RAB20: variants seen among roughly 807,000 people sequenced by gnomAD.
The protein encoded by RAB20 is ras-related protein Rab-20.
Under a neutral mutation model 3.7 loss-of-function variants are expected in RAB20, and 2 were observed. That is an observed-to-expected ratio of 0.54 (90% CI 0.22 to 1.69). The LOEUF is 1.69. Ranked by LOEUF, RAB20 falls within the 40% of genes most tolerant of loss-of-function variation. RAB20 has a pLI of 0.19. For synonymous variants in RAB20, 126 were observed against 130.8 expected (o/e 0.96, Z 0.25); for missense variants, 276 against 311.9 (o/e 0.88, Z 0.87).
intron 1 of RAB20, among the ~76,000 whole-genome samples, chr13:110,527,685 A>AGGG (rs1311280126): frequency 6.6e-6 from 1 of 152,148 alleles, no homozygotes; most frequent in East Asian, 1.9e-4. Flanking sequence ...ATCCGTTTCC[A>AGGG]GTCAAGCTGG....
At chr13:110,537,417 GAT>G (rs1170502161) in intron 1 of RAB20, among the ~76,000 whole-genome samples, 4 of 151,944 alleles carry the variant, frequency 2.6e-5, no homozygotes, top group Non-Finnish European at 5.9e-5. Flanking sequence ...TCCTTCTTCA[GAT>G]ATGTGAGAAG....
At chr13:110,546,704 T>TG (rs1337850507) in intron 1 of RAB20, among the ~76,000 whole-genome samples, 1 of 145,340 alleles carries the variant, frequency 6.9e-6, no homozygotes, top group African/African-American at 2.5e-5. Flanking sequence ...ACTTCTGTTT[T>TG]TTTTTGTTTT....
chr13:110,532,952 G>T (rs893282628), intron 1 of RAB20, among the ~76,000 whole-genome samples: 1 of 152,184 alleles, frequency 6.6e-6, no homozygotes, highest in African/African-American at 2.4e-5. Flanking sequence ...AAGTGCTGGG[G>T]TCACAGGCAT....
At position 110,555,189 on chromosome 13, in the gene RAB20, C is replaced by T. The variant is rs779322375; in HGVS notation, c.172+6159G>A. Reference sequence around the variant, plus strand: ...GCAATTACTGTAAGTGTTGGAAGCACGAGTTTCGGAGGCAGCCCGTCCTGT... The same window carrying T: ...GCAATTACTGTAAGTGTTGGAAGCATGAGTTTCGGAGGCAGCCCGTCCTGT... On this transcript the variant is annotated intron_variant, in intron 1 of 1. Coordinates refer to ENST00000267328, the MANE Select transcript of RAB20 (RefSeq NM_017817.3). The surrounding 1 kb of genome is among the most constrained non-coding windows in gnomAD (Gnocchi z 4.0). Among the ~76,000 whole-genome samples, 6 of 152,198 alleles carry T rather than the reference C, an allele frequency of 3.9e-5. No homozygotes were observed. The highest frequency in any genetic ancestry group is 2.1e-4 in the South Asian group (1 of 4,824).
rs997626746 is a variant in RAB20 at position 110,524,135 on chromosome 13, T to C, written c.235A>G (p.Thr79Ala). The change falls in exon 2 of 2, where the codon ACC (threonine) becomes GCC (alanine). Residue 79 changes from threonine to alanine, a missense_variant. Thr to Ala is a moderately conservative substitution (Grantham distance 58). Coordinates refer to ENST00000267328, the MANE Select transcript of RAB20 (RefSeq NM_017817.3). ...CTCTGCCGGTGATTCACATCATAGG[T>C]GAGGATGATGGCGGCCGCCCCCCGG... is the stretch of plus-strand genomic sequence containing the variant. Reference protein sequence around the residue: ...YCRGAAAIILTYDVNHRQSLV... With the variant: ...YCRGAAAIILAYDVNHRQSLV... 6.2e-7 allele frequency: 1 copy of C among 1,610,084 alleles called. No individual in the cohort carries two copies. Among genetic ancestry groups the C allele is most frequent in the African/African-American group, 1.3e-5 (1 of 74,808 alleles).
intron 1 of RAB20, among the ~76,000 whole-genome samples, chr13:110,558,846 C>A (rs746685638): frequency 6.6e-6 from 1 of 151,832 alleles, no homozygotes; most frequent in Non-Finnish European, 1.5e-5. Context: ...TACAGGTGTG[C>A]GCCACCACGC....
At chr13:110,558,465 C>T (rs1009318603) in intron 1 of RAB20, among the ~76,000 whole-genome samples, 3 of 147,980 alleles carry the variant, frequency 2.0e-5, no homozygotes, top group African/African-American at 7.4e-5. Context: ...CTCACTGCAA[C>T]CTCCGCCTCC....
At chr13:110,544,384 G>C (rs1311538895) in intron 1 of RAB20, among the ~76,000 whole-genome samples, 1 of 151,988 alleles carries the variant, frequency 6.6e-6, no homozygotes, top group Non-Finnish European at 1.5e-5. Flanking sequence ...TGGCTATTTT[G>C]GGTCTTCTGT....
intron 1 of RAB20, among the ~76,000 whole-genome samples, chr13:110,548,963 T>G (rs551527229): frequency 1.1e-4 from 16 of 152,218 alleles, no homozygotes; most frequent in Admixed American, 2.0e-4. Flanking sequence ...AGGTAAGGGC[T>G]GGGTCCCTAC....
At chr13:110,527,499 C>T (rs2139573726) in intron 1 of RAB20, among the ~76,000 whole-genome samples, 1 of 152,282 alleles carries the variant, frequency 6.6e-6, no homozygotes, top group East Asian at 1.9e-4. Context: ...GGTCAAAGTG[C>T]GAGAGCTACC....
rs539288949 is a variant in RAB20, at chr13:110,533,285, T to C, written c.173-9088A>G. Among the ~76,000 whole-genome samples the C allele has an allele frequency of 3.0e-4, 45 of 152,332 alleles. No homozygotes were observed. In the South Asian group the frequency reaches 4.4e-3, roughly 15 times the overall value. ...TTTTAGTTCTATTTTGTAAAGTTGA[T>C]GAGTTTTGGCTAAAGTTGAGAGTCA... On this transcript the variant is annotated intron_variant, in intron 1 of 1. Transcript: ENST00000267328.
intron 1 of RAB20, among the ~76,000 whole-genome samples, chr13:110,531,959 T>C (rs1279646866): frequency 6.6e-6 from 1 of 152,192 alleles, no homozygotes; most frequent in Non-Finnish European, 1.5e-5. Context: ...GCCCAAGTGC[T>C]TTCCATTTCA....
chr13:110,536,721 T>TTGGGCGGGGGGG (rs1164445964), intron 1 of RAB20, among the ~76,000 whole-genome samples: 1 of 7,456 alleles, frequency 1.3e-4, no homozygotes, highest in Non-Finnish European at 2.2e-4. Context: ...GGCTTTTTTT[T>TTGGGCGGGGGGG]GGGGCGGTGG....
At chr13:110,557,533 G>A (rs1885059732) in intron 1 of RAB20, among the ~76,000 whole-genome samples, 1 of 152,238 alleles carries the variant, frequency 6.6e-6, no homozygotes, top group Non-Finnish European at 1.5e-5. Flanking sequence ...AAGGCCAGAG[G>A]ACTCTCAAGA....
rs1356016829 is a variant in RAB20, at chr13:110,524,061, G to T, written c.309C>A (p.Ser103Arg). Residue 103 changes from serine (S) to arginine (R), a missense_variant, in exon 2 of 2, where the codon AGC becomes AGA. By Grantham distance (110) the Ser-to-Arg change is moderately radical. Transcript: ENST00000267328. ...CCACGATGGCAAAGAGGCAGTCTTT[G>T]CTGGCTGTGTCTGTCAGGCCCAGGA... Reference protein sequence around the residue: ...DRFLGLTDTASKDCLFAIVGN... With the variant: ...DRFLGLTDTARKDCLFAIVGN... 6.2e-7 allele frequency: 1 copy of T among 1,613,998 alleles called. No individual in the cohort carries two copies. The highest frequency in any genetic ancestry group is 1.1e-5 in the South Asian group (1 of 91,078).
chr13:110,523,660 G>A lies in RAB20; in HGVS notation c.*5C>T, dbSNP rs377328743. ...CACAGTCTGAGTCCAGGAGGCCCTC[G>A]AAAGTCAGGCACAACACCCAGATCT... On this transcript the variant is annotated 3_prime_UTR_variant, in exon 2 of 2. Coordinates refer to ENST00000267328, the MANE Select transcript of RAB20 (RefSeq NM_017817.3). The A allele has an allele frequency of 3.3e-5, 53 of 1,611,068 alleles. No homozygotes were observed. The South Asian group carries it at 3.4e-4, about 10-fold the overall frequency.
At chr13:110,527,667 AGAAGTCAATCCGTTT>A (rs1376117655) in intron 1 of RAB20, among the ~76,000 whole-genome samples, 1 of 152,174 alleles carries the variant, frequency 6.6e-6, no homozygotes, top group East Asian at 1.9e-4. Context: ...CTTCAGACTG[AGAAGTCAATCCGTTT>A]CCAGTCAAGC....
At chr13:110,529,617 C>A (rs2139574985) in intron 1 of RAB20, among the ~76,000 whole-genome samples, 1 of 152,298 alleles carries the variant, frequency 6.6e-6, no homozygotes, top group East Asian at 1.9e-4. Context: ...ACCAATGCAG[C>A]CAAGGGTCAG....
Position 110,558,470 on chromosome 13 carries a change from G to A in RAB20, c.172+2878C>T, listed in dbSNP as rs560799658. ...GCAATCTTGGCTCACTGCAACCTCCGCCTCCAGGGTTCAAGCGATTCTCCT... is the reference window on the plus strand; with the variant it reads ...GCAATCTTGGCTCACTGCAACCTCCACCTCCAGGGTTCAAGCGATTCTCCT... On this transcript the variant is annotated intron_variant, in intron 1 of 1. Transcript: ENST00000267328. 1.4e-3 allele frequency among the ~76,000 whole-genome samples: 195 copies of A among 141,260 alleles called. 1 individual carries two copies. The highest frequency in any genetic ancestry group is 0.01 in the South Asian group (43 of 4,292). 92.7% of individuals were successfully genotyped at this position (141,260 alleles called of 152,430 possible). A position where few individuals can be genotyped will look rare whatever the true frequency, so the allele number is the denominator to read the frequency against.
Sources: gnomAD v4.1 joint callset for allele counts (sites outside exome capture counted in the v4.1 genomes callset) on GRCh38, gnomAD v4.1.1 for gene constraint, Gnocchi (gnomAD v3.1) non-coding constraint, MANE v1.5 for transcripts, NCBI Gene and HGNC (gene_info 2026-07-23, HGNC 2026-07-21) for gene names.